Variants in CWC27 observed in about 807,000 individuals in gnomAD.
CWC27 encodes the protein spliceosome-associated protein CWC27 homolog.
In CWC27, 47 loss-of-function variants were observed where a neutral mutation model predicts 63.6. The observed-to-expected ratio is 0.74, with a 90% CI of 0.58 to 0.94. The LOEUF (loss-of-function observed/expected upper bound fraction) is 0.94, where lower values mean the gene tolerates loss of function less well. Ranked by LOEUF, CWC27 falls within the 40% of genes least tolerant of loss-of-function variation. The probability of loss-of-function intolerance (pLI) is 0.00; values close to 1 mark genes in which losing one functional copy is unlikely to be tolerated. For synonymous variants in CWC27, 175 were observed against 179.8 expected (o/e 0.97, Z 0.22); for missense variants, 495 against 554.3 (o/e 0.89, Z 1.07).
chr5:64,852,533 G>A (rs184527323), intron 10 of CWC27, among the ~76,000 whole-genome samples: 82 of 151,568 alleles, frequency 5.4e-4, no homozygotes, highest in Admixed American at 7.2e-4. Context: ...GTGCAGCGGC[G>A]TGATCTCGGC....
chr5:64,942,794 T>G (rs965647890), intron 11 of CWC27, among the ~76,000 whole-genome samples: 1 of 152,242 alleles, frequency 6.6e-6, no homozygotes, highest in Non-Finnish European at 1.5e-5. Context: ...GCAGCATAAA[T>G]ATGGCTTTAC....
In CWC27 at chr5:64,798,886, C is replaced by T. The variant is rs76472732; in HGVS notation, c.670-1362C>T. Among the ~76,000 whole-genome samples, 581 of 152,228 alleles carry T rather than the reference C, an allele frequency of 3.8e-3. 3 individuals carry two copies. The highest frequency in any genetic ancestry group is 0.012 in the African/African-American group (502 of 41,544). ...CTTTCTGTCAACTCTAATCTCTTAA[C>T]TATTCATTTTTATATGATTAGTTGG... On this transcript the variant is annotated intron_variant, in intron 7 of 13. Coordinates refer to ENST00000381070, the MANE Select transcript of CWC27 (RefSeq NM_005869.4).
chr5:64,894,624 C>G (rs1747324001), intron 11 of CWC27, among the ~76,000 whole-genome samples: 1 of 152,110 alleles, frequency 6.6e-6, no homozygotes, highest in African/African-American at 2.4e-5. Context: ...CCAAACTGAT[C>G]CCCTCACTAA....
intron 7 of CWC27, 42 bp from the exon 8 acceptor site, chr5:64,800,206 G>A: frequency 7.6e-7 from 1 of 1,318,074 alleles, no homozygotes; most frequent in Non-Finnish European, 1.1e-6. Flanking sequence ...TAGGAATACT[G>A]TTTATTTCCC....
At chr5:64,910,449 A>G (rs531804654) in intron 11 of CWC27, among the ~76,000 whole-genome samples, 1 of 152,330 alleles carries the variant, frequency 6.6e-6, no homozygotes, top group East Asian at 1.9e-4. Context: ...TCAGAGCTCA[A>G]ACACCATGCT....
At chr5:64,917,852 G>A (rs1480633223) in intron 11 of CWC27, among the ~76,000 whole-genome samples, 5 of 151,900 alleles carry the variant, frequency 3.3e-5, no homozygotes, top group Middle Eastern at 3.2e-3. Context: ...CATCACTGGC[G>A]CTCCTGGTCT....
chr5:64,820,690 C>T (rs1003098542), intron 10 of CWC27, among the ~76,000 whole-genome samples: 6 of 152,000 alleles, frequency 3.9e-5, no homozygotes, highest in Non-Finnish European at 8.8e-5. Flanking sequence ...AATGATAGTC[C>T]TTTCAACAAA....
intron 11 of CWC27, among the ~76,000 whole-genome samples, chr5:64,917,957 C>G (rs1747923399): frequency 6.6e-6 from 1 of 151,336 alleles, no homozygotes; most frequent in Admixed American, 6.6e-5. Context: ...CACAAACATA[C>G]ACACACACAC....
At chr5:64,906,698 G>A (rs10805392) in intron 11 of CWC27, among the ~76,000 whole-genome samples, 45,358 of 151,752 alleles carry the variant, frequency 0.3, 7,088 homozygotes, top group East Asian at 0.52. Context: ...GTCTATTTTG[G>A]CTTTTGTTGC....
chr5:64,792,079 CTG>C (rs776708218), intron 7 of CWC27, among the ~76,000 whole-genome samples: 3 of 152,042 alleles, frequency 2.0e-5, no homozygotes, highest in Non-Finnish European at 4.4e-5. Context: ...GTTATTTTTA[CTG>C]TCTCTTTACT....
intron 10 of CWC27, among the ~76,000 whole-genome samples, chr5:64,858,091 T>A (rs567674479): frequency 0.015 from 1,641 of 111,338 alleles, 23 homozygotes; most frequent in African/African-American, 0.043. Context: ...TGAGCCGAGA[T>A]CGCGCCACTG....
At chr5:64,774,880 A>C (rs1743388267) in intron 2 of CWC27, 93 bp downstream of exon 2, 2 of 717,896 alleles carry the variant, frequency 2.8e-6, no homozygotes, top group Admixed American at 5.0e-5. Context: ...AGTGTTAAAT[A>C]GTGGTCATGA....
chr5:64,807,987 A>G, intron 10 of CWC27: 1 of 1,401,076 alleles, frequency 7.1e-7, no homozygotes. Flanking sequence ...CTAGTTGATA[A>G]TCGACTGGCT....
At chr5:64,909,644 T>C (rs531626131) in intron 11 of CWC27, among the ~76,000 whole-genome samples, 1 of 152,328 alleles carries the variant, frequency 6.6e-6, no homozygotes, top group East Asian at 1.9e-4. Context: ...CTTTTTACTT[T>C]TTTTTCTGTA....
chr5:64,941,134 G>C (rs1292311519), intron 11 of CWC27, among the ~76,000 whole-genome samples: 1 of 151,890 alleles, frequency 6.6e-6, no homozygotes, highest in East Asian at 1.9e-4. Context: ...GCACTTCCTT[G>C]TTTTCTGATT....
At chr5:64,779,022 A>C (rs7702002) in intron 2 of CWC27, among the ~76,000 whole-genome samples, 86,499 of 152,048 alleles carry the variant, frequency 0.57, 25,255 homozygotes, top group East Asian at 0.86. Context: ...TGTCTCCAAG[A>C]CACTAAAATA....
At chr5:64,927,746 C>T (rs1748147059) in intron 11 of CWC27, among the ~76,000 whole-genome samples, 1 of 152,218 alleles carries the variant, frequency 6.6e-6, no homozygotes, top group South Asian at 2.1e-4. Context: ...ACTCTGCCTT[C>T]CACTATTAAA....
chr5:64,770,887 G>C (rs1404681174), intron 1 of CWC27, among the ~76,000 whole-genome samples: 1 of 152,136 alleles, frequency 6.6e-6, no homozygotes, highest in Non-Finnish European at 1.5e-5. Flanking sequence ...CTTTAACAAG[G>C]ATACATTCCT....
intron 10 of CWC27, among the ~76,000 whole-genome samples, chr5:64,879,608 A>C (rs2112335744): frequency 6.6e-6 from 1 of 152,020 alleles, no homozygotes; most frequent in East Asian, 1.9e-4. Context: ...TGTTCAACAA[A>C]GTTGGATTCT....
Sources: allele counts gnomAD v4.1 joint callset (sites outside exome capture counted in the v4.1 genomes callset), GRCh38; gene constraint gnomAD v4.1.1; transcripts MANE v1.5; gene names NCBI Gene and HGNC (gene_info 2026-07-23, HGNC 2026-07-21).